FGF13: variants seen among roughly 807,000 people sequenced by gnomAD.
FGF13 encodes the protein fibroblast growth factor homologous factor 2.
Under a neutral mutation model 19.5 loss-of-function variants are expected in FGF13, and 2 were observed. The ratio of observed to expected loss-of-function variants is 0.10; its 90% confidence interval spans 0.04 to 0.32. The LOEUF is 0.32. FGF13 is among the 10% of genes least tolerant of loss of function. The pLI is 1.00. For synonymous variants in FGF13, 72 were observed against 76.9 expected (o/e 0.94, Z 0.33); for missense variants, 113 against 192.7 (o/e 0.59, Z 2.45).
At chrX:139,161,335 A>G (rs987404519) in intron 1 of FGF13, among the ~76,000 whole-genome samples, 3 of 112,043 alleles carry the variant, frequency 2.7e-5, no homozygotes, top group Non-Finnish European at 5.6e-5. Flanking sequence ...GTATTGATGG[A>G]ACATATCTCA....
chrX:138,782,146 A>T (rs1306372689), intron 3 of FGF13, among the ~76,000 whole-genome samples: 1 of 112,266 alleles, frequency 8.9e-6, no homozygotes, highest in Non-Finnish European at 1.9e-5. Context: ...TTAGGTATTG[A>T]TGGGACATAT....
At chrX:138,695,910 A>G in intron 3 of FGF13, among the ~76,000 whole-genome samples, 1 of 112,175 alleles carries the variant, frequency 8.9e-6, no homozygotes, top group Non-Finnish European at 1.9e-5. Context: ...GATGAAAAAC[A>G]CACAAAATAA....
intron 3 of FGF13, among the ~76,000 whole-genome samples, chrX:138,757,473 T>C (rs2090438673): frequency 8.9e-6 from 1 of 111,744 alleles, no homozygotes; most frequent in African/African-American, 3.3e-5. Context: ...CTGTGTTTTC[T>C]GCCATCCTTA....
chrX:138,816,864 A>G (rs2090965109), intron 3 of FGF13, among the ~76,000 whole-genome samples: 1 of 112,156 alleles, frequency 8.9e-6, no homozygotes, highest in African/African-American at 3.2e-5. Flanking sequence ...AAGCCAAAAG[A>G]TGGGACATCC....
chrX:138,924,353 C>T (rs1022665573), intron 1 of FGF13, among the ~76,000 whole-genome samples: 1 of 111,465 alleles, frequency 9.0e-6, no homozygotes, highest in Non-Finnish European at 1.9e-5. Context: ...CCACTAGAAG[C>T]ACCAGGCTCT....
At chrX:138,783,986 T>C (rs1409015146) in intron 3 of FGF13, among the ~76,000 whole-genome samples, 1 of 100,939 alleles carries the variant, frequency 9.9e-6, no homozygotes, top group African/African-American at 3.6e-5. Context: ...TATGCAGCCA[T>C]AAAAAATGAT....
chrX:138,778,766 G>T (rs762186999), intron 3 of FGF13, among the ~76,000 whole-genome samples: 1 of 112,643 alleles, frequency 8.9e-6, no homozygotes, highest in East Asian at 2.8e-4. Flanking sequence ...GCCCAGGCTT[G>T]ATTAGGTAAA....
intron 1 of FGF13, among the ~76,000 whole-genome samples, chrX:139,068,306 C>A (rs1416194702): frequency 9.8e-6 from 1 of 102,031 alleles, no homozygotes; most frequent in African/African-American, 3.9e-5. Context: ...AGATATGCTG[C>A]GTTATTTCTG....
intron 3 of FGF13, among the ~76,000 whole-genome samples, chrX:138,674,707 T>C (rs751756166): frequency 9.0e-6 from 1 of 110,898 alleles, no homozygotes; most frequent in African/African-American, 3.3e-5. Context: ...AGTGGGATGC[T>C]TGAAATGGAG....
intron 3 of FGF13, among the ~76,000 whole-genome samples, chrX:138,666,373 GA>G (rs2089545364): frequency 9.0e-6 from 1 of 111,716 alleles, no homozygotes; most frequent in African/African-American, 3.2e-5. Flanking sequence ...AAATTCATGA[GA>G]AAGCTACATT....
chrX:139,004,567 C>T (rs763031704), intron 1 of FGF13, among the ~76,000 whole-genome samples: 21 of 112,749 alleles, frequency 1.9e-4, no homozygotes, highest in African/African-American at 6.8e-4. Flanking sequence ...GCTCTGAGGA[C>T]TGCCAGCACG....
chrX:139,184,153 A>G (rs1276603449), intron 1 of FGF13, among the ~76,000 whole-genome samples: 1 of 112,395 alleles, frequency 8.9e-6, no homozygotes, highest in African/African-American at 3.2e-5. Flanking sequence ...GTTCATACCA[A>G]CTTAGTACAT....
intron 1 of FGF13, among the ~76,000 whole-genome samples, chrX:138,932,517 G>A (rs937884874): frequency 7.1e-5 from 7 of 98,171 alleles, no homozygotes; most frequent in Admixed American, 4.3e-4. Context: ...GCGGGAGGGC[G>A]GGGGGTGGGG....
At chrX:138,744,559 C>G (rs980375533) in intron 3 of FGF13, among the ~76,000 whole-genome samples, 5 of 111,509 alleles carry the variant, frequency 4.5e-5, no homozygotes, top group Non-Finnish European at 9.4e-5. Context: ...TCTCTTCTTG[C>G]CCATTCACTT....
rs1028499545 is a variant in FGF13, at chrX:138,685,541, T to C, written c.402+17443A>G. On this transcript the variant is annotated intron_variant, in intron 3 of 4. Transcript: ENST00000315930. ...TACAAATATATTTACTTGGACTTTA[T>C]ATTTAATTCAACAGTTCAAAATAGC... Among the ~76,000 whole-genome samples, 3 of 111,773 alleles carry C rather than the reference T, an allele frequency of 2.7e-5. No individual in the cohort carries two copies. The Admixed American group carries it at 2.9e-4, about 11-fold the overall frequency.
At position 138,631,817 on chromosome X, in the gene FGF13, TAA is replaced by T. The variant is rs1320303145; in HGVS notation, c.*1031_*1032del. On this transcript the variant is annotated 3_prime_UTR_variant, in exon 5 of 5. Transcript: ENST00000315930. ...ATGAAGATCTAAATGGAAACCTAGC[TAA>T]GTCTTAAACACTTTTCCAGTAGCAA... The T allele has an allele frequency of 8.9e-6, 1 of 112,229 alleles. No individual in the cohort carries two copies. The allele number at this position is 112,229 out of a possible 1,213,427, so 9.2% of individuals were successfully genotyped here.
At chrX:138,873,978 G>A (rs1189715338) in intron 1 of FGF13, among the ~76,000 whole-genome samples, 1 of 75,999 alleles carries the variant, frequency 1.3e-5, no homozygotes, top group Non-Finnish European at 2.3e-5. Flanking sequence ...ACAGGAAGGG[G>A]CACATCACAC....
chrX:138,969,089 G>T (rs1384788535), intron 1 of FGF13, among the ~76,000 whole-genome samples: 1 of 111,537 alleles, frequency 9.0e-6, no homozygotes, highest in Non-Finnish European at 1.9e-5. Context: ...GCTGACCTTT[G>T]TATGTCACGC....
At chrX:139,117,477 T>C (rs138917347) in intron 1 of FGF13, among the ~76,000 whole-genome samples, 161 of 111,575 alleles carry the variant, frequency 1.4e-3, no homozygotes, top group African/African-American at 5.1e-3. Context: ...TATCCATCCA[T>C]GCATGTAGGC....
Sources: gnomAD v4.1 joint callset for allele counts (sites outside exome capture counted in the v4.1 genomes callset) on GRCh38, gnomAD v4.1.1 for gene constraint, MANE v1.5 for transcripts, NCBI Gene and HGNC (gene_info 2026-07-23, HGNC 2026-07-21) for gene names.